Variants in MSRA observed in about 807,000 individuals in gnomAD.
The protein encoded by MSRA is methionine sulfoxide reductase A.
MSRA carries 54 observed loss-of-function variants against 31.3 expected under a neutral mutation model. The observed-to-expected ratio is 1.73, with a 90% CI of 1.39 to 2.17. The LOEUF is 2.17. Ranked by LOEUF, MSRA falls within the 30% of genes most tolerant of loss-of-function variation. MSRA has a pLI of 0.00. For synonymous variants in MSRA, 169 were observed against 116.5 expected, an observed-to-expected ratio of 1.45 and a Z score of -2.90; for missense variants, 507 against 300.9, an observed-to-expected ratio of 1.69 and a Z score of -5.07.
At chr8:10,137,129 G>T (rs1181496451) in intron 1 of MSRA, among the ~76,000 whole-genome samples, 2 of 152,194 alleles carry the variant, frequency 1.3e-5, no homozygotes, top group African/African-American at 4.8e-5. Context: ...ACAGAACAAA[G>T]CTCGTCTGCT....
At chr8:10,131,036 A>G (rs1287844183) in intron 1 of MSRA, among the ~76,000 whole-genome samples, 5 of 152,214 alleles carry the variant, frequency 3.3e-5, no homozygotes, top group Non-Finnish European at 7.3e-5. Flanking sequence ...TTTGCAAACT[A>G]CAGAACTATA....
intron 1 of MSRA, among the ~76,000 whole-genome samples, chr8:10,180,945 C>T (rs1339976496): frequency 1.3e-5 from 2 of 152,154 alleles, no homozygotes; most frequent in Non-Finnish European, 2.9e-5. Context: ...CTGGACTTTA[C>T]CTCTTGTGTA....
At chr8:10,311,248 C>G (rs1160749683) in intron 4 of MSRA, among the ~76,000 whole-genome samples, 2 of 152,184 alleles carry the variant, frequency 1.3e-5, no homozygotes, top group Non-Finnish European at 2.9e-5. Context: ...TATAAAGCAT[C>G]ACATCAAAGG....
intron 2 of MSRA, among the ~76,000 whole-genome samples, chr8:10,214,615 C>G (rs1333422398): frequency 6.6e-6 from 1 of 152,082 alleles, no homozygotes; most frequent in Non-Finnish European, 1.5e-5. Flanking sequence ...GCCACTCATT[C>G]CAGGAAAAAG....
intron 5 of MSRA, among the ~76,000 whole-genome samples, chr8:10,351,586 A>G (rs1300549379): frequency 6.6e-6 from 1 of 152,198 alleles, no homozygotes; most frequent in Non-Finnish European, 1.5e-5. Flanking sequence ...TTATCTCTGT[A>G]AAAAGTGAAA....
chr8:10,177,367 A>T (rs1806145103), intron 1 of MSRA, among the ~76,000 whole-genome samples: 1 of 152,340 alleles, frequency 6.6e-6, no homozygotes, highest in East Asian at 1.9e-4. Context: ...AAAGAATATG[A>T]TTATTTGAAT....
intron 1 of MSRA, among the ~76,000 whole-genome samples, chr8:10,091,170 G>A (rs905049432): frequency 1.3e-5 from 2 of 152,118 alleles, no homozygotes; most frequent in Admixed American, 6.5e-5. Context: ...ATTTTGCTGT[G>A]TTCAGTCTGC....
intron 5 of MSRA, among the ~76,000 whole-genome samples, chr8:10,327,732 G>C (rs921035933): frequency 6.6e-6 from 1 of 152,298 alleles, no homozygotes; most frequent in East Asian, 1.9e-4. Flanking sequence ...AGGAGATCGA[G>C]ACTATCCTGG....
At chr8:10,422,259 C>G (rs1164102728) in intron 5 of MSRA, among the ~76,000 whole-genome samples, 3 of 152,130 alleles carry the variant, frequency 2.0e-5, no homozygotes, top group Admixed American at 2.0e-4. Context: ...GTACTCCAGC[C>G]TGGGTGGCAG....
At chr8:10,106,637 A>C (rs1327048151) in intron 1 of MSRA, among the ~76,000 whole-genome samples, 3 of 152,178 alleles carry the variant, frequency 2.0e-5, no homozygotes, top group African/African-American at 7.2e-5. Context: ...TGTTAGTAGC[A>C]ATGCTAGAGT....
intron 2 of MSRA, among the ~76,000 whole-genome samples, chr8:10,243,539 C>T (rs922979110): frequency 1.3e-5 from 2 of 151,522 alleles, no homozygotes; most frequent in African/African-American, 4.9e-5. Context: ...TGGCGGGTAA[C>T]ATAAGCATAA....
chr8:10,156,593 T>G (rs1736777522), intron 1 of MSRA, among the ~76,000 whole-genome samples: 1 of 152,146 alleles, frequency 6.6e-6, no homozygotes, highest in Non-Finnish European at 1.5e-5. Context: ...GGCATAGAAA[T>G]TAATCTCTTC....
intron 4 of MSRA, among the ~76,000 whole-genome samples, chr8:10,315,363 C>T (rs1381707537): frequency 6.6e-6 from 1 of 152,204 alleles, no homozygotes; most frequent in Non-Finnish European, 1.5e-5. Flanking sequence ...AAGGCATTGT[C>T]ATCAATAGAG....
At chr8:10,067,309 A>G (rs1263200362) in intron 1 of MSRA, among the ~76,000 whole-genome samples, 2 of 150,984 alleles carry the variant, frequency 1.3e-5, no homozygotes, top group Non-Finnish European at 2.9e-5. Flanking sequence ...TTCACTTAAC[A>G]ATATGATTTG....
Position 10,054,391 on chromosome 8 carries a change from G to C in MSRA, c.-126G>C. ...TCCAGCCCCGCCAGCAGCGCCCCGCGCCCGCCCGCCCGCGCCCCTGCCGCC... is the reference window on the plus strand; with the variant it reads ...TCCAGCCCCGCCAGCAGCGCCCCGCCCCCGCCCGCCCGCGCCCCTGCCGCC... On this transcript the variant is annotated 5_prime_UTR_variant, in exon 1 of 6. Transcript: ENST00000317173. 2.4e-5 allele frequency: 14 copies of C among 586,280 alleles called. No homozygotes were observed. The highest frequency in any genetic ancestry group is 2.1e-4 in the South Asian group (4 of 18,986). 36.3% of individuals were successfully genotyped at this position (586,280 alleles called of 1,614,324 possible).
At chr8:10,096,251 T>A (rs908577605) in intron 1 of MSRA, 2 of 1,183,730 alleles carry the variant, frequency 1.7e-6, no homozygotes, top group African/African-American at 3.2e-5. Flanking sequence ...CAGCAATTAG[T>A]GACAACACTG....
chr8:10,096,516 A>C (rs561827888), intron 1 of MSRA, among the ~76,000 whole-genome samples: 1 of 152,310 alleles, frequency 6.6e-6, no homozygotes, highest in South Asian at 2.1e-4. Flanking sequence ...TCTTTTGGAG[A>C]AGAAGTGGTG....
chr8:10,316,473 G>A (rs1349897625), intron 4 of MSRA, among the ~76,000 whole-genome samples: 3 of 145,690 alleles, frequency 2.1e-5, no homozygotes, highest in Non-Finnish European at 4.5e-5. Context: ...ACGTAGTAAA[G>A]CACAGTGCCT....
chr8:10,390,892 C>G (rs915188728), intron 5 of MSRA, among the ~76,000 whole-genome samples: 2 of 151,534 alleles, frequency 1.3e-5, no homozygotes, highest in Non-Finnish European at 2.9e-5. Context: ...AGGAGAATGA[C>G]GTGAACCCGG....
Sources: gnomAD v4.1 joint callset for allele counts (sites outside exome capture counted in the v4.1 genomes callset) on GRCh38, gnomAD v4.1.1 for gene constraint, MANE v1.5 for transcripts, NCBI Gene and HGNC (gene_info 2026-07-23, HGNC 2026-07-21) for gene names.